The following KCND3 variants were observed in gnomAD, a reference collection of about 807,000 sequenced individuals.
KCND3 encodes potassium voltage-gated channel subfamily D member 3, also known as A-type voltage-gated potassium channel KCND3.
KCND3 carries 9 observed loss-of-function variants against 51.1 expected under a neutral mutation model. The ratio of observed to expected loss-of-function variants is 0.18; its 90% CI spans 0.11 to 0.31. The LOEUF (loss-of-function observed/expected upper bound fraction) is 0.31, where lower values mean the gene tolerates loss of function less well. Among genes scored for constraint, KCND3 ranks in the 10% least tolerant of loss-of-function variants. The probability of loss-of-function intolerance (pLI) is 1.00; values close to 1 mark genes in which losing one functional copy is unlikely to be tolerated. For synonymous variants in KCND3, 349 were observed against 368.0 expected, an observed-to-expected ratio of 0.95 and a Z score of 0.59; for missense variants, 526 against 903.8, an observed-to-expected ratio of 0.58 and a Z score of 5.36.
At chr1:111,790,357 A>G (rs992075149) in intron 2 of KCND3, among the ~76,000 whole-genome samples, 1 of 152,226 alleles carries the variant, frequency 6.6e-6, no homozygotes, top group Non-Finnish European at 1.5e-5. Flanking sequence ...ATTGTCTAGA[A>G]TTAGCCAGTG....
chr1:111,786,514 CTTTCACAGTATTTATTTTTCT>C (rs143083226), intron 3 of KCND3, among the ~76,000 whole-genome samples: 27,113 of 152,020 alleles, frequency 0.18, 2,572 homozygotes, highest in African/African-American at 0.26. Context: ...GGATGCTCTC[CTTTCACAGTATTTATTTTTCT>C]TTTCAACAAA....
chr1:111,803,538 C>T (rs754850811), intron 2 of KCND3, among the ~76,000 whole-genome samples: 5 of 152,176 alleles, frequency 3.3e-5, no homozygotes, highest in Non-Finnish European at 5.9e-5. Flanking sequence ...TCACTTTCTC[C>T]TCACCCCGTC....
At chr1:111,987,074 T>C (rs989832260) in intron 1 of KCND3, among the ~76,000 whole-genome samples, 2 of 152,176 alleles carry the variant, frequency 1.3e-5, no homozygotes, top group African/African-American at 4.8e-5. Context: ...AGAGGCACCC[T>C]GTGGAACCCT....
Position 111,959,886 on chromosome 1 carries a change from C to T in KCND3, c.1106+21735G>A, listed in dbSNP as rs189698779. ...CCGTAATCCCCATATGTTGTGAGAG[C>T]GACCTGGTGGAAGGTAATTGAATCA... is the stretch of plus-strand genomic sequence containing the variant. On this transcript the variant is annotated intron_variant, in intron 2 of 7. Transcript: ENST00000302127. Among the ~76,000 whole-genome samples, 99 of 152,126 alleles carry T rather than the reference C, an allele frequency of 6.5e-4. No individual in the cohort carries two copies. In the East Asian group the frequency reaches 0.015, roughly 23 times the overall value.
At chr1:111,840,677 C>T (rs1667285585) in intron 2 of KCND3, among the ~76,000 whole-genome samples, 1 of 152,178 alleles carries the variant, frequency 6.6e-6, no homozygotes, top group Non-Finnish European at 1.5e-5. Context: ...CTCCCTGTCC[C>T]ACCTAAGCTG....
In KCND3 at chr1:111,982,621, T is replaced by C. The variant is rs1675021900; in HGVS notation, c.106A>G (p.Lys36Glu). ...AGGACAATCAGCTCATCCTGCCGCT[T>C]GTTCTTGTCGGCCGGGGCCAGGGGC... is the stretch of plus-strand genomic sequence containing the variant. ...PMPLAPADKN[K>E]RQDELIVLNV... The change falls in exon 2 of 8, where the codon AAG becomes GAG. Residue 36 changes from lysine to glutamate, a missense_variant. Coordinates refer to ENST00000302127, the MANE Select transcript of KCND3 (RefSeq NM_001378969.1). The surrounding 1 kb of genome is among the most constrained non-coding windows in gnomAD (Gnocchi z 8.5). 1 of 1,613,786 alleles carries C rather than the reference T, an allele frequency of 6.2e-7. No homozygotes were observed. The highest frequency in any genetic ancestry group is 1.1e-5 in the South Asian group (1 of 91,062).
intron 2 of KCND3, among the ~76,000 whole-genome samples, chr1:111,922,127 CG>C (rs1286194526): frequency 2.0e-5 from 3 of 152,298 alleles, no homozygotes; most frequent in South Asian, 2.1e-4. Flanking sequence ...TTGTCCAAGA[CG>C]AACACAAGAG....
chr1:111,954,628 G>T (rs1433468899), intron 2 of KCND3, among the ~76,000 whole-genome samples: 5 of 152,222 alleles, frequency 3.3e-5, no homozygotes, highest in African/African-American at 1.2e-4. Context: ...GCTGGCATCT[G>T]CCTCTAGGGC....
rs1663945295 is a variant in KCND3 at position 111,771,945 on chromosome 1, G to A, written c.*4132C>T. On this transcript the variant is annotated 3_prime_UTR_variant, in exon 8 of 8. Coordinates refer to ENST00000302127, the MANE Select transcript of KCND3 (RefSeq NM_001378969.1). ...TCTTGGTTCACGGTGGTTCTGAATT[G>A]AATACTTCCCTCCCCCACGTCACCA... 1 of 152,072 alleles carries A rather than the reference G, an allele frequency of 6.6e-6. No individual in the cohort carries two copies. Among genetic ancestry groups the A allele is most frequent in the Non-Finnish European group, 1.5e-5 (1 of 68,004 alleles). The allele number at this position is 152,072 out of a possible 1,614,324, so 9.4% of individuals were successfully genotyped here.
chr1:111,834,557 A>G (rs1467537811), intron 2 of KCND3, among the ~76,000 whole-genome samples: 2 of 152,218 alleles, frequency 1.3e-5, no homozygotes, highest in Non-Finnish European at 2.9e-5. Context: ...TCAATCTTTC[A>G]TTCAAAGTGG....
At chr1:111,878,257 C>T (rs1009893054) in intron 2 of KCND3, among the ~76,000 whole-genome samples, 4 of 152,214 alleles carry the variant, frequency 2.6e-5, no homozygotes, top group South Asian at 2.1e-4. Flanking sequence ...GTCTCTTTGC[C>T]GAATCCTATT....
Position 111,982,474 on chromosome 1 carries a change from C to G in KCND3, c.253G>C (p.Asp85His). The G allele has an allele frequency of 6.2e-7, 1 of 1,611,324 alleles. No homozygotes were observed. The highest frequency in any genetic ancestry group is 8.5e-7 in the Non-Finnish European group (1 of 1,177,848). ...CAGCGGAACACCTCGGGGTCCCGGT[C>G]GAAGAAGTACTCCTTGGTGTCCTCG... ...FNEDTKEYFF[D>H]RDPEVFRCVL... Residue 85 changes from aspartate to histidine, a missense_variant, in exon 2 of 8, where the codon GAC becomes CAC. Around this residue, in one of 5 missense-constraint regions of KCND3, gnomAD observed 159 missense variants for 262.8 expected, o/e 0.61. Transcript: ENST00000302127. The surrounding 1 kb of genome is among the most constrained non-coding windows in gnomAD (Gnocchi z 8.5).
chr1:111,787,222 AG>A, intron 2 of KCND3, 116 bp from the exon 3 acceptor site: 1 of 1,076,864 alleles, frequency 9.3e-7, no homozygotes, highest in East Asian at 2.5e-5. Flanking sequence ...AATTGCTTAG[AG>A]TATCTACTAT....
intron 5 of KCND3, among the ~76,000 whole-genome samples, chr1:111,778,727 C>A (rs1259832386): frequency 6.6e-6 from 1 of 152,056 alleles, no homozygotes; most frequent in Non-Finnish European, 1.5e-5. Context: ...TTCTGCCTCT[C>A]CTGTCCTGAC....
Position 111,855,549 on chromosome 1 carries a change from G to A in KCND3, c.1107-68443C>T, listed in dbSNP as rs565087070. Among the ~76,000 whole-genome samples, 245 of 152,320 alleles carry A rather than the reference G, an allele frequency of 1.6e-3. 1 individual carries two copies. Among genetic ancestry groups the A allele is most frequent in the African/African-American group, 5.6e-3 (233 of 41,566 alleles). Reference sequence around the variant, plus strand: ...GTGGAGGGGATCTTCCGATAGCAAGGAGGCTGCTGGATCTCTGGCCAAACT... The same window carrying A: ...GTGGAGGGGATCTTCCGATAGCAAGAAGGCTGCTGGATCTCTGGCCAAACT... On this transcript the variant is annotated intron_variant, in intron 2 of 7. Coordinates refer to ENST00000302127, the MANE Select transcript of KCND3 (RefSeq NM_001378969.1).
At position 111,944,725 on chromosome 1, in the gene KCND3, C is replaced by G. The variant is rs146218822; in HGVS notation, c.1106+36896G>C. 6.6e-4 allele frequency among the ~76,000 whole-genome samples: 101 copies of G among 152,360 alleles called. 1 individual carries two copies. The highest frequency in any genetic ancestry group is 2.4e-3 in the African/African-American group (99 of 41,584). ...TGTCTCCCGCAGTGCCTAGCACATA[C>G]AAGGAACTCAGTAAATGTTCTTTTT... On this transcript the variant is annotated intron_variant, in intron 2 of 7. Coordinates refer to ENST00000302127, the MANE Select transcript of KCND3 (RefSeq NM_001378969.1).
intron 2 of KCND3, among the ~76,000 whole-genome samples, chr1:111,935,764 G>A (rs1346277529): frequency 6.6e-6 from 1 of 152,202 alleles, no homozygotes; most frequent in East Asian, 1.9e-4. Flanking sequence ...GTTTGTGGAA[G>A]AGGGGCCGAG....
At chr1:111,888,248 G>A (rs1015874121) in intron 2 of KCND3, among the ~76,000 whole-genome samples, 4 of 152,252 alleles carry the variant, frequency 2.6e-5, no homozygotes, top group Non-Finnish European at 5.9e-5. Flanking sequence ...AGGTGGTGGG[G>A]ATTGTGGTAA....
intron 2 of KCND3, among the ~76,000 whole-genome samples, chr1:111,800,696 A>G (rs1329898826): frequency 6.6e-6 from 1 of 152,222 alleles, no homozygotes; most frequent in Non-Finnish European, 1.5e-5. Flanking sequence ...GGGGAAAAGT[A>G]GAAGGGCTGA....
Sources: gnomAD v4.1 joint callset for allele counts (sites outside exome capture counted in the v4.1 genomes callset) on GRCh38, gnomAD v4.1.1 for gene constraint, gnomAD v4.1.1 regional missense constraint, Gnocchi (gnomAD v3.1) non-coding constraint, MANE v1.5 for transcripts, NCBI Gene and HGNC (gene_info 2026-07-23, HGNC 2026-07-21) for gene names.